Variants in LARGE1 observed in about 807,000 individuals in gnomAD.
LARGE1 encodes the protein xylosyl- and glucuronyltransferase LARGE1.
Under a neutral mutation model 87.6 loss-of-function variants are expected in LARGE1, and 43 were observed. The ratio of observed to expected loss-of-function variants is 0.49; its 90% CI spans 0.38 to 0.63. The LOEUF (loss-of-function observed/expected upper bound fraction) is 0.63. LARGE1 is among the 30% of genes least tolerant of loss of function. The pLI, the probability that LARGE1 is intolerant of heterozygous loss-of-function variation, is 0.00. For synonymous variants in LARGE1, 434 were observed against 394.6 expected (o/e 1.10, Z -1.18); for missense variants, 802 against 1,000.2 (o/e 0.80, Z 2.67).
intron 2 of LARGE1, among the ~76,000 whole-genome samples, chr22:33,705,539 T>G (rs1603209151): frequency 6.6e-6 from 1 of 152,242 alleles, no homozygotes; most frequent in Non-Finnish European, 1.5e-5. Flanking sequence ...CACACAATGC[T>G]CAGCCCCATT....
the LARGE1 span, among the ~76,000 whole-genome samples, chr22:33,131,033 CAAAA>C: frequency 4.2e-5 from 3 of 70,936 alleles, no homozygotes; most frequent in African/African-American, 5.7e-5. Flanking sequence ...GACTCCGTCT[CAAAA>C]AAAAAAAAAA....
chr22:33,204,179 GAGA>G (rs1271727807), intron 11 of LARGE1, among the ~76,000 whole-genome samples: 2 of 152,242 alleles, frequency 1.3e-5, no homozygotes, highest in East Asian at 3.9e-4. Flanking sequence ...ATAGAACTGA[GAGA>G]AGAAGTACCC....
chr22:33,743,583 A>G (rs2083969150), intron 2 of LARGE1, among the ~76,000 whole-genome samples: 1 of 152,156 alleles, frequency 6.6e-6, no homozygotes, highest in African/African-American at 2.4e-5. Flanking sequence ...GCTTCTCTGT[A>G]AAAGTATGTT....
chr22:33,674,466 C>G (rs1374988815), intron 2 of LARGE1, among the ~76,000 whole-genome samples: 1 of 152,222 alleles, frequency 6.6e-6, no homozygotes, highest in Non-Finnish European at 1.5e-5. Context: ...CCAATCTGAT[C>G]TTGTCAGCCC....
intron 1 of LARGE1, among the ~76,000 whole-genome samples, chr22:33,896,056 T>C (rs940705739): frequency 2.0e-5 from 3 of 152,232 alleles, no homozygotes; most frequent in Non-Finnish European, 1.5e-5. Context: ...CTTCCCAAAC[T>C]GAAACTGTCT....
At chr22:33,571,448 G>C (rs146411314) in intron 5 of LARGE1, among the ~76,000 whole-genome samples, 127 of 152,242 alleles carry the variant, frequency 8.3e-4, no homozygotes, top group African/African-American at 2.9e-3. Flanking sequence ...ACCTCTACAG[G>C]TGACTGCCCA....
chr22:33,573,454 A>C (rs1017027899), intron 5 of LARGE1, among the ~76,000 whole-genome samples: 3 of 152,192 alleles, frequency 2.0e-5, no homozygotes, highest in Non-Finnish European at 2.9e-5. Flanking sequence ...AAACAAAAAA[A>C]GTCATCTGCA....
At chr22:33,765,296 CT>C (rs1393729242) in intron 1 of LARGE1, among the ~76,000 whole-genome samples, 1 of 152,144 alleles carries the variant, frequency 6.6e-6, no homozygotes, top group African/African-American at 2.4e-5. Flanking sequence ...TTTCCTTTTA[CT>C]TTAACCTAAA....
intron 2 of LARGE1, among the ~76,000 whole-genome samples, chr22:33,755,239 T>TG (rs780411791): frequency 6.6e-6 from 1 of 152,120 alleles, no homozygotes; most frequent in African/African-American, 2.4e-5. Context: ...AAAACAGGGG[T>TG]GCAGGCTGAT....
intron 11 of LARGE1, among the ~76,000 whole-genome samples, chr22:33,239,598 G>A (rs560441612): frequency 7.2e-6 from 1 of 139,662 alleles, no homozygotes; most frequent in Admixed American, 7.3e-5. Flanking sequence ...GAGTGCAGTG[G>A]CGCGATCTCG....
At chr22:33,565,888 T>G (rs2078011287) in intron 5 of LARGE1, among the ~76,000 whole-genome samples, 1 of 152,188 alleles carries the variant, frequency 6.6e-6, no homozygotes, top group African/African-American at 2.4e-5. Flanking sequence ...AAAGCACCAG[T>G]GTGATGAAAG....
In LARGE1 at chr22:33,610,065, G is replaced by A. The variant is rs1054289263; in HGVS notation, c.492-5507C>T. On this transcript the variant is annotated intron_variant, in intron 4 of 14. Coordinates refer to ENST00000397394, the MANE Select transcript of LARGE1 (RefSeq NM_133642.5). ...ATGCTTGTACAGCCTGCAGAATCAT[G>A]AGCCAATTAAACCATTTTTCTTTAT... is the stretch of plus-strand genomic sequence containing the variant. Among the ~76,000 whole-genome samples, 47 of 152,106 alleles carry A rather than the reference G, an allele frequency of 3.1e-4. 1 individual carries two copies. Among genetic ancestry groups the A allele is most frequent in the Non-Finnish European group, 5.7e-4 (39 of 68,024 alleles).
intron 12 of LARGE1, among the ~76,000 whole-genome samples, chr22:33,292,362 GGAGA>G (rs1932738998): frequency 6.6e-6 from 1 of 152,142 alleles, no homozygotes; most frequent in Non-Finnish European, 1.5e-5. Flanking sequence ...GTTAAGAAAA[GGAGA>G]GAGCACAGTC....
chr22:33,758,573 T>C (rs1202021900), intron 2 of LARGE1, among the ~76,000 whole-genome samples: 1 of 152,202 alleles, frequency 6.6e-6, no homozygotes, highest in East Asian at 1.9e-4. Flanking sequence ...ACCCAGTCTG[T>C]CATGTTGCCT....
chr22:33,767,828 C>A (rs929483579), intron 1 of LARGE1, among the ~76,000 whole-genome samples: 1 of 152,198 alleles, frequency 6.6e-6, no homozygotes, highest in Admixed American at 6.5e-5. Context: ...TTCAGAATTG[C>A]TTAGGATCCC....
At chr22:33,186,566 T>C (rs1289527943) in intron 11 of LARGE1, among the ~76,000 whole-genome samples, 3 of 152,158 alleles carry the variant, frequency 2.0e-5, no homozygotes, top group East Asian at 3.8e-4. Context: ...CACTAAACAC[T>C]TTCTCCTAAA....
chr22:33,347,620 A>C (rs952419704), intron 9 of LARGE1, among the ~76,000 whole-genome samples: 2 of 152,220 alleles, frequency 1.3e-5, no homozygotes, highest in African/African-American at 4.8e-5. Flanking sequence ...TATTTTCACA[A>C]GTCCTTTTCC....
intron 1 of LARGE1, among the ~76,000 whole-genome samples, chr22:33,876,774 A>C (rs1176482579): frequency 6.6e-6 from 1 of 152,120 alleles, no homozygotes; most frequent in Non-Finnish European, 1.5e-5. Context: ...TATCTATGTA[A>C]CAAACCTGCA....
chr22:33,348,348 C>G (rs1179398117), intron 9 of LARGE1, among the ~76,000 whole-genome samples: 2 of 142,896 alleles, frequency 1.4e-5, no homozygotes, highest in African/African-American at 5.2e-5. Context: ...AGGCACTGAT[C>G]TGGTAAGACT....
Sources: gnomAD v4.1 joint callset for allele counts (sites outside exome capture counted in the v4.1 genomes callset) on GRCh38, gnomAD v4.1.1 for gene constraint, MANE v1.5 for transcripts, NCBI Gene and HGNC (gene_info 2026-07-23, HGNC 2026-07-21) for gene names.